MICU2: variants seen among roughly 807,000 people sequenced by gnomAD.
MICU2 encodes the protein calcium uptake protein 2, mitochondrial.
MICU2 carries 64 observed loss-of-function variants against 60.4 expected under a neutral mutation model. The observed-to-expected ratio is 1.06, with a 90% confidence interval of 0.87 to 1.31. The LOEUF (loss-of-function observed/expected upper bound fraction) is 1.31, where lower values mean the gene tolerates loss of function less well. Among genes scored for constraint, MICU2 ranks in the 50% most tolerant of loss-of-function variants. The pLI is 0.00. For missense variants in MICU2, 569 were observed against 531.0 expected, an observed-to-expected ratio of 1.07 and a Z score of -0.70; for synonymous variants, 201 against 175.0, an observed-to-expected ratio of 1.15 and a Z score of -1.17.
At chr13:21,565,092 A>G (rs929008051) in intron 2 of MICU2, among the ~76,000 whole-genome samples, 5 of 152,208 alleles carry the variant, frequency 3.3e-5, no homozygotes, top group Non-Finnish European at 5.9e-5. Flanking sequence ...CAAGTGCTTT[A>G]CCTGTTAGAG....
chr13:21,566,788 C>G lies in MICU2; in HGVS notation c.358+9G>C. On this transcript the variant is annotated intron_variant, in intron 2 of 11. Coordinates refer to ENST00000382374, the MANE Select transcript of MICU2 (RefSeq NM_152726.3). ...TTTTTTAATTAAAAAAAAAAAAGAC[C>G]CAACTCACGTTCCATTTGCTCAAAC... 6.5e-7 allele frequency: 1 copy of G among 1,534,438 alleles called. No homozygotes were observed. Among genetic ancestry groups the G allele is most frequent in the South Asian group, 1.3e-5 (1 of 78,522 alleles).
intron 1 of MICU2, among the ~76,000 whole-genome samples, chr13:21,576,151 G>A: frequency 6.6e-6 from 1 of 152,120 alleles, no homozygotes. Flanking sequence ...ATGACATTTT[G>A]ATTTCTTACT....
At chr13:21,535,732 T>C (rs1887115049) in intron 4 of MICU2, among the ~76,000 whole-genome samples, 1 of 152,146 alleles carries the variant, frequency 6.6e-6, no homozygotes, top group African/African-American at 2.4e-5. Flanking sequence ...TTGCCCAAGG[T>C]TACACAGCTA....
Position 21,500,090 on chromosome 13 carries a change from G to C in MICU2, c.933+2836C>G, listed in dbSNP as rs534014312. On this transcript the variant is annotated intron_variant, in intron 9 of 11. Transcript: ENST00000382374. ...CAAAACATTCAGATCACTAAGATGA[G>C]GGTCCTCAGCTGTGATGTGAATCTG... 2.6e-5 allele frequency among the ~76,000 whole-genome samples: 4 copies of C among 152,268 alleles called. No individual in the cohort carries two copies. The East Asian group carries it at 7.7e-4, about 29-fold the overall frequency.
intron 2 of MICU2, among the ~76,000 whole-genome samples, chr13:21,544,516 G>GAAAA (rs10628955): frequency 0.02 from 1,553 of 77,246 alleles, 48 homozygotes; most frequent in African/African-American, 0.054. Context: ...ATAAACACAT[G>GAAAA]AAAAAAAAAA....
At chr13:21,549,905 G>C (rs998090450) in intron 2 of MICU2, among the ~76,000 whole-genome samples, 1 of 152,154 alleles carries the variant, frequency 6.6e-6, no homozygotes, top group Non-Finnish European at 1.5e-5. Context: ...TAATTATTAA[G>C]AAGTTAACAG....
chr13:21,602,086 G>A (rs1593364376), intron 1 of MICU2, among the ~76,000 whole-genome samples: 1 of 149,708 alleles, frequency 6.7e-6, no homozygotes, highest in South Asian at 2.1e-4. Context: ...TCCAGCCTGG[G>A]TGACAGAGAC....
intron 4 of MICU2, among the ~76,000 whole-genome samples, chr13:21,527,924 A>G (rs1268406085): frequency 6.6e-6 from 1 of 152,230 alleles, no homozygotes; most frequent in Non-Finnish European, 1.5e-5. Context: ...ATGCTTATCT[A>G]GAAATATTAA....
At chr13:21,550,297 G>C (rs1021820297) in intron 2 of MICU2, among the ~76,000 whole-genome samples, 3 of 152,162 alleles carry the variant, frequency 2.0e-5, no homozygotes, top group African/African-American at 7.2e-5. Context: ...AGTGCTTTTG[G>C]AGGCCAAGAC....
intron 2 of MICU2, among the ~76,000 whole-genome samples, chr13:21,550,226 T>G (rs1887521509): frequency 6.6e-6 from 1 of 152,136 alleles, no homozygotes; most frequent in Non-Finnish European, 1.5e-5. Context: ...CAGTTTCAAC[T>G]TATGCTGAGC....
chr13:21,581,073 AT>A (rs1199105164), intron 1 of MICU2, among the ~76,000 whole-genome samples: 1 of 152,242 alleles, frequency 6.6e-6, no homozygotes, highest in Non-Finnish European at 1.5e-5. Flanking sequence ...TAGTGACATA[AT>A]CAAAGCAGTG....
At chr13:21,574,999 T>A (rs1465072908) in intron 1 of MICU2, among the ~76,000 whole-genome samples, 1 of 152,232 alleles carries the variant, frequency 6.6e-6, no homozygotes, top group Non-Finnish European at 1.5e-5. Flanking sequence ...GAGACAACTG[T>A]CATTCCTGGG....
At chr13:21,531,214 T>C in intron 4 of MICU2, 2 of 1,015,498 alleles carry the variant, frequency 2.0e-6, no homozygotes, top group Non-Finnish European at 3.1e-6. Context: ...TTATGTGAGA[T>C]CCTAGCTCAA....
At chr13:21,539,725 T>G (rs1282200093) in intron 2 of MICU2, 37 bp from the exon 3 acceptor site, 1 of 1,594,808 alleles carries the variant, frequency 6.3e-7, no homozygotes, top group Non-Finnish European at 8.6e-7. Context: ...GTATCCATAT[T>G]CTTTGGTAAA....
Position 21,514,420 on chromosome 13 carries a change from TA to T in MICU2, c.598-3del. 6.2e-7 allele frequency: 1 copy of T among 1,612,280 alleles called. No individual in the cohort carries two copies. The highest frequency in any genetic ancestry group is 8.5e-7 in the Non-Finnish European group (1 of 1,179,098). ...TTGTTTACTTATGATCTTCTGCAGC[TA>T]AAAAGATTACAAACATGAGTTTACA... On this transcript the variant is annotated splice_polypyrimidine_tract_variant and splice_region_variant and intron_variant, in intron 6 of 11. Coordinates refer to ENST00000382374, the MANE Select transcript of MICU2 (RefSeq NM_152726.3).
intron 8 of MICU2, among the ~76,000 whole-genome samples, chr13:21,506,014 T>C (rs1211947174): frequency 2.0e-5 from 3 of 151,736 alleles, no homozygotes; most frequent in East Asian, 3.9e-4. Context: ...TCATTCTTCA[T>C]GCCCAGACTC....
chr13:21,589,887 GA>G (rs67982666), intron 1 of MICU2, among the ~76,000 whole-genome samples: 51,698 of 151,954 alleles, frequency 0.34, 9,254 homozygotes, highest in South Asian at 0.4. Flanking sequence ...GTGCGTCAGG[GA>G]TAAGAACCTC....
intron 1 of MICU2, among the ~76,000 whole-genome samples, chr13:21,577,804 C>CAAAA (rs56200015): frequency 4.2e-5 from 2 of 47,904 alleles, no homozygotes; most frequent in African/African-American, 7.4e-5. Context: ...GACTCGGTCT[C>CAAAA]AAAAAAAAAA....
At chr13:21,596,981 T>G (rs1352547759) in intron 1 of MICU2, among the ~76,000 whole-genome samples, 1 of 152,244 alleles carries the variant, frequency 6.6e-6, no homozygotes, top group Non-Finnish European at 1.5e-5. Context: ...GGTTTACCAG[T>G]TGAAGCATCT....
Sources: allele counts gnomAD v4.1 joint callset (sites outside exome capture counted in the v4.1 genomes callset), GRCh38; gene constraint gnomAD v4.1.1; transcripts MANE v1.5; gene names NCBI Gene and HGNC (gene_info 2026-07-23, HGNC 2026-07-21).